The following SPAG17 variants were observed in gnomAD, a reference collection of about 807,000 sequenced individuals.
SPAG17 encodes sperm-associated antigen 17.
A neutral mutation model predicts 273.6 loss-of-function variants in SPAG17; 169 were observed. That is an observed-to-expected ratio of 0.62 (90% confidence interval 0.55 to 0.70). The LOEUF (loss-of-function observed/expected upper bound fraction) is 0.70. Among genes scored for constraint, SPAG17 ranks in the 30% least tolerant of loss-of-function variants. The probability of loss-of-function intolerance (pLI) is 0.00; values close to 1 mark genes in which losing one functional copy is unlikely to be tolerated. For synonymous variants in SPAG17, 825 were observed against 873.2 expected (o/e 0.94, Z 0.97); for missense variants, 2,557 against 2,627.8 (o/e 0.97, Z 0.59).
chr1:118,148,802 AC>A (rs1659211382), intron 3 of SPAG17, among the ~76,000 whole-genome samples: 1 of 152,148 alleles, frequency 6.6e-6, no homozygotes, highest in Non-Finnish European at 1.5e-5. Context: ...TTCCATGGCC[AC>A]CACTCGCAAC....
intron 48 of SPAG17, among the ~76,000 whole-genome samples, chr1:117,958,012 G>A (rs1652471721): frequency 6.6e-6 from 1 of 152,178 alleles, no homozygotes; most frequent in Non-Finnish European, 1.5e-5. Flanking sequence ...AAGAATATAT[G>A]CACAAAGGCT....
chr1:117,989,191 C>T (rs1400657654), intron 38 of SPAG17, among the ~76,000 whole-genome samples: 1 of 152,090 alleles, frequency 6.6e-6, no homozygotes, highest in Non-Finnish European at 1.5e-5. Flanking sequence ...GTGTCTCAGC[C>T]TGCTTTGTGT....
intron 43 of SPAG17, 106 bp downstream of exon 43, chr1:117,981,164 T>C (rs1407965027): frequency 2.3e-6 from 3 of 1,282,504 alleles, no homozygotes; most frequent in East Asian, 2.7e-5. Flanking sequence ...ACCCTCTCGA[T>C]TTTTTTCTGT....
chr1:118,046,259 C>T (rs972465287), intron 20 of SPAG17, among the ~76,000 whole-genome samples: 2 of 152,006 alleles, frequency 1.3e-5, no homozygotes, highest in Non-Finnish European at 2.9e-5. Flanking sequence ...ATCATTTGAG[C>T]CCAGGAATTT....
chr1:118,146,549 A>G (rs1659002060), intron 3 of SPAG17, among the ~76,000 whole-genome samples: 1 of 152,196 alleles, frequency 6.6e-6, no homozygotes, highest in Non-Finnish European at 1.5e-5. Context: ...TATTTAGCAT[A>G]TATTATACCA....
chr1:118,036,978 G>T (rs1373764279), intron 23 of SPAG17, 95 bp from the exon 24 acceptor site: 2 of 806,886 alleles, frequency 2.5e-6, no homozygotes, highest in East Asian at 5.4e-5. Flanking sequence ...GTTCATAGCT[G>T]CTCTACCACA....
At chr1:117,992,334 A>G (rs183486996) in intron 36 of SPAG17, 132 bp downstream of exon 36, 136 of 820,902 alleles carry the variant, frequency 1.7e-4, no homozygotes, top group Admixed American at 1.5e-3. Flanking sequence ...CTCTACTCTG[A>G]AAGACTGACA....
At chr1:118,024,875 A>G (rs1647554679) in intron 27 of SPAG17, among the ~76,000 whole-genome samples, 2 of 152,208 alleles carry the variant, frequency 1.3e-5, no homozygotes, top group South Asian at 4.1e-4. Flanking sequence ...TCTGCATTTT[A>G]AAAGAAATTA....
intron 20 of SPAG17, among the ~76,000 whole-genome samples, chr1:118,046,599 C>T (rs577574332): frequency 7.2e-5 from 11 of 151,860 alleles, no homozygotes; most frequent in Non-Finnish European, 1.0e-4. Context: ...AAGGTGCCTA[C>T]ATATTAAACT....
At chr1:118,096,613 C>T (rs967806315) in intron 7 of SPAG17, among the ~76,000 whole-genome samples, 4 of 152,190 alleles carry the variant, frequency 2.6e-5, no homozygotes, top group Non-Finnish European at 5.9e-5. Flanking sequence ...TGCCTGAATA[C>T]TTTCCACAAC....
intron 5 of SPAG17, among the ~76,000 whole-genome samples, chr1:118,100,260 T>G (rs565911547): frequency 6.6e-6 from 1 of 152,330 alleles, no homozygotes; most frequent in Admixed American, 6.5e-5. Flanking sequence ...TTAAAAAGTG[T>G]TGTATGCACT....
intron 48 of SPAG17, chr1:117,958,836 G>C: frequency 1.1e-6 from 1 of 942,368 alleles, no homozygotes; most frequent in South Asian, 2.1e-5. Context: ...TATTGTGTCT[G>C]TTTACTGTTT....
At chr1:118,123,248 A>G (rs1570733679) in intron 3 of SPAG17, among the ~76,000 whole-genome samples, 1 of 152,120 alleles carries the variant, frequency 6.6e-6, no homozygotes, top group South Asian at 2.1e-4. Context: ...TTATTGCATT[A>G]CTTGATCCTG....
chr1:117,970,180 TG>T (rs1654395006), intron 45 of SPAG17, 64 bp from the exon 46 acceptor site: 1 of 1,495,466 alleles, frequency 6.7e-7, no homozygotes, highest in Non-Finnish European at 9.2e-7. Flanking sequence ...ATGAATAAGC[TG>T]GGATGTTATA....
In SPAG17 at chr1:118,055,618, A is replaced by C. The variant is rs1651579937; in HGVS notation, c.2722+115T>G. ...ACTAGAGAAAGTGAAGAGTCACAGGAACTTTTTTGGGTAATTCTTTTTAAT... is the reference window on the plus strand; with the variant it reads ...ACTAGAGAAAGTGAAGAGTCACAGGCACTTTTTTGGGTAATTCTTTTTAAT... On this transcript the variant is annotated intron_variant, in intron 19 of 48. Transcript: ENST00000336338. 7.2e-6 allele frequency: 6 copies of C among 838,212 alleles called. No homozygotes were observed. The South Asian group carries it at 1.0e-4, about 14-fold the overall frequency. 51.9% of individuals were successfully genotyped at this position (838,212 alleles called of 1,614,324 possible).
rs140201552 is a variant in SPAG17 at position 118,125,428 on chromosome 1, T to C, written c.316-9987A>G. ...TTAGCTATTTGAACTACATACAAGT[T>C]ATTAGACTATATTCACCTACAGTGC... On this transcript the variant is annotated intron_variant, in intron 3 of 48. Transcript: ENST00000336338. Among the ~76,000 whole-genome samples, 657 of 152,280 alleles carry C rather than the reference T, an allele frequency of 4.3e-3. 6 individuals carry two copies. Among genetic ancestry groups the C allele is most frequent in the African/African-American group, 0.015 (630 of 41,552 alleles).
At chr1:118,088,472 T>C (rs1655149310) in intron 10 of SPAG17, among the ~76,000 whole-genome samples, 1 of 152,194 alleles carries the variant, frequency 6.6e-6, no homozygotes, top group Non-Finnish European at 1.5e-5. Flanking sequence ...AAACTATTGA[T>C]CTTCTAAAAA....
intron 25 of SPAG17, among the ~76,000 whole-genome samples, chr1:118,028,658 T>C (rs1331272941): frequency 1.3e-5 from 2 of 152,130 alleles, no homozygotes; most frequent in Admixed American, 6.6e-5. Context: ...ATAAGAACAA[T>C]TGGGAAAGGA....
At chr1:118,111,797 A>G (rs1052906448) in intron 4 of SPAG17, among the ~76,000 whole-genome samples, 1 of 152,166 alleles carries the variant, frequency 6.6e-6, no homozygotes, top group African/African-American at 2.4e-5. Flanking sequence ...GTATTACAAA[A>G]AGTTACCCTA....
Sources: gnomAD v4.1 joint callset for allele counts (sites outside exome capture counted in the v4.1 genomes callset) on GRCh38, gnomAD v4.1.1 for gene constraint, MANE v1.5 for transcripts, NCBI Gene and HGNC (gene_info 2026-07-23, HGNC 2026-07-21) for gene names.